Variants in STARD13 observed in about 807,000 individuals in gnomAD.
STARD13 encodes the protein stAR-related lipid transfer protein 13.
In STARD13, 62 loss-of-function variants were observed where a neutral mutation model predicts 106.4. That is an observed-to-expected ratio of 0.58 (90% CI 0.48 to 0.72). The LOEUF (loss-of-function observed/expected upper bound fraction) is 0.72. Among genes scored for constraint, STARD13 ranks in the 30% least tolerant of loss-of-function variants. The pLI, the probability that STARD13 is intolerant of heterozygous loss-of-function variation, is 0.00. For synonymous variants in STARD13, 565 were observed against 553.0 expected, an observed-to-expected ratio of 1.02 and a Z score of -0.31; for missense variants, 1,387 against 1,424.0, an observed-to-expected ratio of 0.97 and a Z score of 0.42.
chr13:33,119,843 A>G (rs942294135), intron 7 of STARD13, among the ~76,000 whole-genome samples: 3 of 152,252 alleles, frequency 2.0e-5, no homozygotes, highest in East Asian at 1.9e-4. Context: ...ATGATTCGCC[A>G]CAAAGAATCC....
the STARD13 span, among the ~76,000 whole-genome samples, chr13:33,426,401 CT>C: frequency 1.3e-5 from 2 of 152,200 alleles, no homozygotes; most frequent in African/African-American, 4.8e-5. Flanking sequence ...TTTATTCTGC[CT>C]TCTATCACAC....
chr13:33,148,109 C>A (rs1223380431), intron 3 of STARD13, among the ~76,000 whole-genome samples: 1 of 152,124 alleles, frequency 6.6e-6, no homozygotes, highest in Non-Finnish European at 1.5e-5. Flanking sequence ...CAAAGCTATA[C>A]AACTCCAAAA....
chr13:33,142,274 G>A (rs1434700208), intron 4 of STARD13, 36 bp downstream of exon 4: 9 of 1,544,260 alleles, frequency 5.8e-6, no homozygotes, highest in Non-Finnish European at 8.1e-6. Flanking sequence ...GCATTCACTG[G>A]CATAGCCACA....
intron 3 of STARD13, among the ~76,000 whole-genome samples, chr13:33,153,051 T>C (rs1489029406): frequency 6.6e-6 from 1 of 152,116 alleles, no homozygotes; most frequent in Admixed American, 6.5e-5. Flanking sequence ...AGGAGGGTGA[T>C]TTAGGTTATT....
chr13:33,490,492 G>A, the STARD13 span, among the ~76,000 whole-genome samples: 1 of 152,208 alleles, frequency 6.6e-6, no homozygotes, highest in Admixed American at 6.5e-5. Context: ...CAACGCGGCA[G>A]AGAGAAAGAA....
At chr13:33,410,582 T>C in the STARD13 span, among the ~76,000 whole-genome samples, 3 of 152,178 alleles carry the variant, frequency 2.0e-5, no homozygotes, top group African/African-American at 7.2e-5. Context: ...TCTTGCCCCT[T>C]CCCTGTTGGA....
chr13:33,156,038 A>G (rs1424648323), intron 3 of STARD13, among the ~76,000 whole-genome samples: 2 of 152,276 alleles, frequency 1.3e-5, no homozygotes, highest in Non-Finnish European at 2.9e-5. Context: ...ATGCAAATGA[A>G]TGACTGCCAA....
At chr13:33,329,092 A>G (rs2077807542) in intron 1 of STARD13, among the ~76,000 whole-genome samples, 1 of 152,254 alleles carries the variant, frequency 6.6e-6, no homozygotes. Context: ...GCCTCTAGTC[A>G]GTATGTTAAA....
chr13:33,255,466 A>G (rs1890316216), intron 1 of STARD13, among the ~76,000 whole-genome samples: 1 of 152,002 alleles, frequency 6.6e-6, no homozygotes, highest in Non-Finnish European at 1.5e-5. Context: ...CCCTGTTGCC[A>G]TCAACCATAC....
At chr13:33,139,608 T>A (rs2858806) in intron 4 of STARD13, among the ~76,000 whole-genome samples, 54,174 of 152,016 alleles carry the variant, frequency 0.36, 10,169 homozygotes, top group Non-Finnish European at 0.43. Context: ...ACATGGGGAC[T>A]TACCTAGAGG....
chr13:33,130,968 A>G lies in STARD13; in HGVS notation c.388-679T>C, dbSNP rs1318059047. Among the ~76,000 whole-genome samples, 2 of 152,226 alleles carry G rather than the reference A, an allele frequency of 1.3e-5. No homozygotes were observed. Among genetic ancestry groups the G allele is most frequent in the Non-Finnish European group, 2.9e-5 (2 of 68,046 alleles). On this transcript the variant is annotated intron_variant, in intron 4 of 13. Transcript: ENST00000336934. This position sits in a 1 kb window ranked among gnomAD's most constrained non-coding sequence, Gnocchi z 4.1. ...TCTGTGGAATCAACTCCGAGTCAGA[A>G]TGCCGTTGGCAGGACGCACACCTCT...
intron 1 of STARD13, among the ~76,000 whole-genome samples, chr13:33,260,111 C>A (rs767458310): frequency 8.6e-5 from 13 of 151,960 alleles, no homozygotes; most frequent in Non-Finnish European, 1.9e-4. Flanking sequence ...CCTGAGGCAG[C>A]ATGGGGTTAG....
chr13:33,128,413 G>A (rs74045689), intron 5 of STARD13, among the ~76,000 whole-genome samples: 4,111 of 152,264 alleles, frequency 0.027, 198 homozygotes, highest in African/African-American at 0.092. Flanking sequence ...TTTTTCTATG[G>A]TGCTTCTGAA....
the STARD13 span, among the ~76,000 whole-genome samples, chr13:33,575,505 G>A: frequency 6.6e-6 from 1 of 152,172 alleles, no homozygotes; most frequent in South Asian, 2.1e-4. Context: ...TTCTGCTGTG[G>A]TGATGTTGGG....
chr13:33,509,837 C>T, the STARD13 span, among the ~76,000 whole-genome samples: 1 of 152,192 alleles, frequency 6.6e-6, no homozygotes, highest in Admixed American at 6.5e-5. Flanking sequence ...CCCACACCCA[C>T]AGGAAGGAGG....
At chr13:33,634,754 T>C in the STARD13 span, among the ~76,000 whole-genome samples, 1 of 152,094 alleles carries the variant, frequency 6.6e-6, no homozygotes, top group African/African-American at 2.4e-5. Flanking sequence ...CCTACTTCTC[T>C]CTCGCTTGGT....
intron 1 of STARD13, among the ~76,000 whole-genome samples, chr13:33,172,724 G>C (rs1884114855): frequency 6.6e-6 from 1 of 152,090 alleles, no homozygotes; most frequent in Non-Finnish European, 1.5e-5. Context: ...AAAGGTATTG[G>C]GTATCCTTTC....
chr13:33,362,050 A>T, the STARD13 span, among the ~76,000 whole-genome samples: 2 of 152,216 alleles, frequency 1.3e-5, no homozygotes, highest in Non-Finnish European at 2.9e-5. Flanking sequence ...GTCTGATATT[A>T]CTTAGTGTGT....
chr13:33,545,396 G>A, the STARD13 span, among the ~76,000 whole-genome samples: 4 of 152,180 alleles, frequency 2.6e-5, no homozygotes, highest in South Asian at 2.1e-4. Context: ...TGCCTGGCCC[G>A]AAAGGTGAAT....
Sources: allele counts gnomAD v4.1 joint callset (sites outside exome capture counted in the v4.1 genomes callset), GRCh38; gene constraint gnomAD v4.1.1; non-coding constraint Gnocchi (gnomAD v3.1); transcripts MANE v1.5; gene names NCBI Gene and HGNC (gene_info 2026-07-23, HGNC 2026-07-21).